CSMD1: variants seen among roughly 807,000 people sequenced by gnomAD.
CSMD1 encodes CUB and sushi domain-containing protein 1.
CSMD1 carries 213 observed loss-of-function variants against 417.5 expected under a neutral mutation model. That is an observed-to-expected ratio of 0.51 (90% CI 0.46 to 0.57). CSMD1 has a LOEUF of 0.57. Among genes scored for constraint, CSMD1 ranks in the 20% least tolerant of loss-of-function variants. The probability of loss-of-function intolerance (pLI) is 0.00; values close to 1 mark genes in which losing one functional copy is unlikely to be tolerated. For missense variants in CSMD1, 6,923 were observed against 4,529.7 expected, an observed-to-expected ratio of 1.53 and a Z score of -15.17; for synonymous variants, 2,862 against 1,736.8, an observed-to-expected ratio of 1.65 and a Z score of -16.11.
Position 3,532,262 on chromosome 8 carries a change from G to C in CSMD1, c.1345-38536C>G, listed in dbSNP as rs534556073. ...AACTCTAGGTGTCAAGCCAGACAAT[G>C]AGGCCACTTCACATGATTCTGCATG... On this transcript the variant is annotated intron_variant, in intron 10 of 69. Coordinates refer to ENST00000635120, the MANE Select transcript of CSMD1 (RefSeq NM_033225.6). Among the ~76,000 whole-genome samples the C allele has an allele frequency of 2.0e-5, 3 of 152,290 alleles. No individual in the cohort carries two copies. The East Asian group carries it at 5.8e-4, about 29-fold the overall frequency.
chr8:3,347,766 T>C (rs1458937279), intron 22 of CSMD1, among the ~76,000 whole-genome samples: 3 of 152,184 alleles, frequency 2.0e-5, no homozygotes, highest in Non-Finnish European at 4.4e-5. Flanking sequence ...GACTGATAAA[T>C]GTTAGATCGA....
chr8:3,098,698 A>T (rs183237413), intron 46 of CSMD1, among the ~76,000 whole-genome samples: 3 of 152,290 alleles, frequency 2.0e-5, no homozygotes. Context: ...TGATATTTTA[A>T]GAAAGAAAAA....
At chr8:4,245,659 T>C (rs1276336628) in intron 3 of CSMD1, among the ~76,000 whole-genome samples, 2 of 152,120 alleles carry the variant, frequency 1.3e-5, no homozygotes, top group Admixed American at 6.6e-5. Context: ...AGATAACCAA[T>C]CTACCCCATA....
At chr8:4,218,166 T>G (rs1173461453) in intron 3 of CSMD1, among the ~76,000 whole-genome samples, 1 of 152,208 alleles carries the variant, frequency 6.6e-6, no homozygotes, top group African/African-American at 2.4e-5. Context: ...GTTCTAGTAA[T>G]GGAACACTAG....
At chr8:3,354,929 A>ATGTATC (rs1554523470) in intron 21 of CSMD1, among the ~76,000 whole-genome samples, 1 of 149,770 alleles carries the variant, frequency 6.7e-6, no homozygotes, top group Admixed American at 6.7e-5. Context: ...CTATCTATAG[A>ATGTATC]TATAGATATA....
chr8:3,300,811 T>G (rs145047068), intron 25 of CSMD1, among the ~76,000 whole-genome samples: 3,469 of 151,484 alleles, frequency 0.023, 127 homozygotes, highest in Middle Eastern at 0.082. Context: ...CAAAAAAAAT[T>G]AGCTGGGTGT....
chr8:4,697,225 T>C (rs905812747), intron 1 of CSMD1, among the ~76,000 whole-genome samples: 1 of 152,144 alleles, frequency 6.6e-6, no homozygotes, highest in African/African-American at 2.4e-5. Context: ...TACTTATTTT[T>C]GATTCTAGAA....
chr8:3,022,260 C>T (rs62487758), intron 51 of CSMD1, among the ~76,000 whole-genome samples: 80,649 of 120,938 alleles, frequency 0.67, 27,713 homozygotes, highest in East Asian at 0.76. Flanking sequence ...GGAATGCACC[C>T]GCAATCCCAC....
At chr8:4,184,781 A>AT (rs1798569863) in intron 3 of CSMD1, among the ~76,000 whole-genome samples, 2 of 6,444 alleles carry the variant, frequency 3.1e-4, no homozygotes, top group East Asian at 0.5. Flanking sequence ...AATCTGTACC[A>AT]CAACCTGTGA....
chr8:4,952,020 A>G (rs1011979122), intron 1 of CSMD1, among the ~76,000 whole-genome samples: 1 of 151,260 alleles, frequency 6.6e-6, no homozygotes, highest in African/African-American at 2.4e-5. Context: ...TATATATAAT[A>G]TAGAAATACA....
intron 1 of CSMD1, among the ~76,000 whole-genome samples, chr8:4,917,123 G>C (rs1040989060): frequency 5.3e-5 from 8 of 152,186 alleles, no homozygotes; most frequent in Non-Finnish European, 1.0e-4. Context: ...TACAGTCATG[G>C]TGGAAGGGAA....
chr8:3,098,383 A>T (rs2129011509), intron 46 of CSMD1, among the ~76,000 whole-genome samples: 1 of 152,332 alleles, frequency 6.6e-6, no homozygotes, highest in South Asian at 2.1e-4. Context: ...CCTTTTGAAA[A>T]GTAATTTATT....
chr8:2,955,438 T>C (rs1352164792), intron 64 of CSMD1, 151 bp downstream of exon 64: 6 of 649,228 alleles, frequency 9.2e-6, no homozygotes, highest in South Asian at 2.1e-5. Context: ...CACACACAGC[T>C]CACGCACATG....
intron 7 of CSMD1, among the ~76,000 whole-genome samples, chr8:3,663,290 G>C (rs1324022032): frequency 6.6e-6 from 1 of 152,162 alleles, no homozygotes; most frequent in African/African-American, 2.4e-5. Flanking sequence ...GACAGGGGTG[G>C]GATGTGGGCA....
intron 1 of CSMD1, among the ~76,000 whole-genome samples, chr8:4,717,866 G>T (rs576883878): frequency 1.3e-5 from 2 of 152,132 alleles, no homozygotes; most frequent in African/African-American, 4.8e-5. Context: ...ATATTTAATA[G>T]CTTTTTATTA....
intron 5 of CSMD1, among the ~76,000 whole-genome samples, chr8:3,984,291 C>T (rs765417964): frequency 1.3e-5 from 2 of 152,182 alleles, no homozygotes; most frequent in African/African-American, 4.8e-5. Context: ...AATAAAATGT[C>T]ACACATGCAC....
At chr8:4,249,685 G>A (rs1189052578) in intron 3 of CSMD1, among the ~76,000 whole-genome samples, 1 of 152,160 alleles carries the variant, frequency 6.6e-6, no homozygotes, top group Admixed American at 6.5e-5. Context: ...TCCTACCGCT[G>A]TTGTAGCGAA....
intron 3 of CSMD1, among the ~76,000 whole-genome samples, chr8:4,043,021 A>T (rs149808777): frequency 2.6e-5 from 4 of 151,926 alleles, no homozygotes; most frequent in Non-Finnish European, 5.9e-5. Context: ...AGTCCCAGCT[A>T]CTTGGGAGGT....
chr8:3,664,857 A>G (rs2624090), intron 7 of CSMD1, among the ~76,000 whole-genome samples: 19,202 of 152,294 alleles, frequency 0.13, 1,345 homozygotes, highest in African/African-American at 0.17. Context: ...GCCAGACATC[A>G]TAAACAATTC....
Sources: allele counts gnomAD v4.1 joint callset (sites outside exome capture counted in the v4.1 genomes callset), GRCh38; gene constraint gnomAD v4.1.1; transcripts MANE v1.5; gene names NCBI Gene and HGNC (gene_info 2026-07-23, HGNC 2026-07-21).